INO80: variants seen among roughly 807,000 people sequenced by gnomAD.
INO80 encodes chromatin-remodeling ATPase INO80.
In INO80, 20 loss-of-function variants were observed where a neutral mutation model predicts 203.4. That is an observed-to-expected ratio of 0.10 (90% CI 0.07 to 0.14). INO80 has a LOEUF of 0.14. Among genes scored for constraint, INO80 ranks in the 10% least tolerant of loss-of-function variants. INO80 has a pLI of 1.00. For synonymous variants in INO80, 726 were observed against 685.2 expected, an observed-to-expected ratio of 1.06 and a Z score of -0.93; for missense variants, 1,419 against 1,914.4, an observed-to-expected ratio of 0.74 and a Z score of 4.83.
At chr15:41,099,651 A>G (rs2045778888) in intron 1 of INO80, among the ~76,000 whole-genome samples, 1 of 151,768 alleles carries the variant, frequency 6.6e-6, no homozygotes, top group Non-Finnish European at 1.5e-5. Flanking sequence ...GTGTAGTGGC[A>G]TGCACCTGTA....
chr15:41,072,026 A>G lies in INO80; in HGVS notation c.1428T>C (p.Ser476=), dbSNP rs2045327050. 6.2e-7 allele frequency: 1 copy of G among 1,601,768 alleles called. No homozygotes were observed. Among genetic ancestry groups the G allele is most frequent in the African/African-American group, 1.4e-5 (1 of 74,012 alleles). The change falls in exon 12 of 36, where the codon AGT becomes AGC. Residue 476 remains serine (S), a synonymous_variant. Coordinates refer to ENST00000648947, the MANE Select transcript of INO80 (RefSeq NM_017553.3). ...TTGCTGCCCGTAGGGCAGCTGCTCG[A>G]CTTTCTTTTGCATCTTCATCAAATG... ...TRSFDEDAKE[S]RAAALRAANK... is the part of the protein sequence containing the mutation.
chr15:41,113,919 A>G (rs2045990952), intron 1 of INO80, among the ~76,000 whole-genome samples: 1 of 152,250 alleles, frequency 6.6e-6, no homozygotes, highest in Non-Finnish European at 1.5e-5. Context: ...TTCTACTGAA[A>G]TAAAACGTAG....
chr15:41,064,315 A>G (rs2045170519), intron 14 of INO80, among the ~76,000 whole-genome samples: 1 of 152,236 alleles, frequency 6.6e-6, no homozygotes, highest in African/African-American at 2.4e-5. Context: ...TGTGAATTTA[A>G]GGTATCAATT....
intron 32 of INO80, 51 bp downstream of exon 32, chr15:40,985,287 A>G (rs757976978): frequency 2.5e-5 from 33 of 1,345,056 alleles, no homozygotes; most frequent in Non-Finnish European, 3.3e-5. Flanking sequence ...CCTTTTTGGT[A>G]AGTACCCCAG....
intron 24 of INO80, among the ~76,000 whole-genome samples, chr15:41,041,336 CCG>C (rs1302477569): frequency 6.6e-6 from 1 of 152,114 alleles, no homozygotes; most frequent in African/African-American, 2.4e-5. Context: ...AGCGATCATC[CCG>C]CCTCAGCCTC....
intron 29 of INO80, among the ~76,000 whole-genome samples, chr15:40,993,057 A>C (rs1214639425): frequency 6.6e-6 from 1 of 152,054 alleles, no homozygotes; most frequent in Non-Finnish European, 1.5e-5. Flanking sequence ...GGCCTCCCAA[A>C]CTGCAGGGAT....
chr15:40,995,715 A>C (rs2043872655), intron 29 of INO80, among the ~76,000 whole-genome samples: 1 of 152,224 alleles, frequency 6.6e-6, no homozygotes, highest in South Asian at 2.1e-4. Flanking sequence ...GAGTATGACT[A>C]TGCTGAAATT....
chr15:41,023,305 G>A (rs1243937813), intron 25 of INO80: 2 of 455,654 alleles, frequency 4.4e-6, no homozygotes, highest in African/African-American at 4.0e-5. Context: ...GCAGATCGTG[G>A]GTCAGAGCAA....
At chr15:41,064,447 A>G (rs1414052822) in intron 14 of INO80, among the ~76,000 whole-genome samples, 2 of 152,210 alleles carry the variant, frequency 1.3e-5, no homozygotes, top group African/African-American at 4.8e-5. Context: ...TGGTGTGATC[A>G]TAGCTCACTG....
rs143194453 is a variant in INO80, at chr15:40,987,939, C to T, written c.3606G>A (p.Val1202=). 1.2e-6 allele frequency: 2 copies of T among 1,613,910 alleles called. No individual in the cohort carries two copies. ...GGGCCCTGTCCATGGCCTGCTGGTC[C>T]ACAGTGGGGTTCCAGTCGCTATCAT... ...IFYDSDWNPT[V]DQQAMDRAHR... is the part of the protein sequence containing the mutation. The change falls in exon 30 of 36, where the codon GTG becomes GTA. Residue 1202 remains valine (V), a synonymous_variant. Coordinates refer to ENST00000648947, the MANE Select transcript of INO80 (RefSeq NM_017553.3).
chr15:41,095,958 C>T (rs2045717303), intron 2 of INO80, 30 bp from the exon 3 acceptor site: 3 of 1,583,412 alleles, frequency 1.9e-6, no homozygotes, highest in Non-Finnish European at 2.6e-6. Context: ...TCCACAATTA[C>T]AGCTGACCCA....
chr15:41,074,154 G>A (rs142051715), intron 10 of INO80, among the ~76,000 whole-genome samples: 26 of 152,176 alleles, frequency 1.7e-4, no homozygotes, highest in African/African-American at 6.0e-4. Context: ...AAACTTGCAA[G>A]ATCATATAAC....
At chr15:41,071,279 G>A (rs926188309) in intron 12 of INO80, among the ~76,000 whole-genome samples, 4 of 151,958 alleles carry the variant, frequency 2.6e-5, no homozygotes, top group Non-Finnish European at 4.4e-5. Context: ...AAGTTCTAGG[G>A]TACATGTGCA....
At chr15:41,055,945 G>GTTTTT (rs5812185) in intron 17 of INO80, among the ~76,000 whole-genome samples, 4 of 128,586 alleles carry the variant, frequency 3.1e-5, no homozygotes, top group Admixed American at 8.6e-5. Context: ...TCTTCTTTTG[G>GTTTTT]TTTTTTTTTT....
intron 1 of INO80, among the ~76,000 whole-genome samples, chr15:41,100,898 C>T (rs2045799163): frequency 6.6e-6 from 1 of 151,052 alleles, no homozygotes; most frequent in Non-Finnish European, 1.5e-5. Flanking sequence ...GGGTGATCTC[C>T]GCTCACTACA....
chr15:40,982,234 C>T (rs1893857916), intron 35 of INO80, among the ~76,000 whole-genome samples: 1 of 152,208 alleles, frequency 6.6e-6, no homozygotes, highest in East Asian at 1.9e-4. Flanking sequence ...GAAACCTCCA[C>T]CTCCAGGGTT....
intron 1 of INO80, among the ~76,000 whole-genome samples, chr15:41,115,754 T>C (rs2046024589): frequency 6.6e-6 from 1 of 151,704 alleles, no homozygotes; most frequent in Non-Finnish European, 1.5e-5. Flanking sequence ...TGACCCCGGG[T>C]CTCCAGAGAT....
rs368535813 is a variant in INO80, at chr15:41,051,128, CAA to C, written c.2275-1028_2275-1027del. On this transcript the variant is annotated intron_variant, in intron 19 of 35. Coordinates refer to ENST00000648947, the MANE Select transcript of INO80 (RefSeq NM_017553.3). ...TGGGTGACAGAATGAGACTCCATCTCAAAAAAAAAAAAAAAGAAAGTTCTCCC... is the reference window on the plus strand; with the variant it reads ...TGGGTGACAGAATGAGACTCCATCTCAAAAAAAAAAAAAGAAAGTTCTCCC... Among the ~76,000 whole-genome samples the C allele has an allele frequency of 5.6e-4, 44 of 78,452 alleles. 1 individual carries two copies. Among genetic ancestry groups the C allele is most frequent in the African/African-American group, 2.0e-3 (30 of 14,802 alleles). The allele number at this position is 78,452 out of a possible 152,430, so 51.5% of individuals were successfully genotyped here. A position where few individuals can be genotyped will look rare whatever the true frequency, so the allele number is the denominator to read the frequency against.
At chr15:40,988,214 A>T (rs1032973330) in intron 29 of INO80, among the ~76,000 whole-genome samples, 1 of 152,206 alleles carries the variant, frequency 6.6e-6, no homozygotes, top group Non-Finnish European at 1.5e-5. Flanking sequence ...AGTGGCAATA[A>T]TATTAATAGT....
Sources: allele counts gnomAD v4.1 joint callset (sites outside exome capture counted in the v4.1 genomes callset), GRCh38; gene constraint gnomAD v4.1.1; transcripts MANE v1.5; gene names NCBI Gene and HGNC (gene_info 2026-07-23, HGNC 2026-07-21).